The following AMN1 variants were observed in gnomAD, a reference collection of about 807,000 sequenced individuals.
AMN1 encodes protein AMN1 homolog.
In AMN1, 20 loss-of-function variants were observed where a neutral mutation model predicts 33.0. The ratio of observed to expected loss-of-function variants is 0.61; its 90% CI spans 0.43 to 0.88. The LOEUF is 0.88. Among genes scored for constraint, AMN1 ranks in the 40% least tolerant of loss-of-function variants. The probability of loss-of-function intolerance (pLI) is 0.00; values close to 1 mark genes in which losing one functional copy is unlikely to be tolerated. For missense variants in AMN1, 246 were observed against 307.4 expected, an observed-to-expected ratio of 0.80 and a Z score of 1.49; for synonymous variants, 114 against 111.9, an observed-to-expected ratio of 1.02 and a Z score of -0.12.
Position 31,697,826 on chromosome 12 carries a change from C to A in AMN1, c.448G>T (p.Gly150Cys). Reference sequence around the variant, plus strand: ...GACACATCAGTAATACTTAAGCAGCCACCTAAATCGATGATCTTTAGCAGC... The same window carrying A: ...GACACATCAGTAATACTTAAGCAGCAACCTAAATCGATGATCTTTAGCAGC... ...CQLLKIIDLG[G>C]CLSITDVSLH... Residue 150 changes from glycine to cysteine, a missense_variant, in exon 4 of 7, where the codon GGC becomes TGC. Physicochemically the swap from Gly to Cys is radical, Grantham distance 159. Coordinates refer to ENST00000281471, the MANE Select transcript of AMN1 (RefSeq NM_001113402.2). The A allele has an allele frequency of 3.1e-6, 5 of 1,614,000 alleles. No homozygotes were observed. The highest frequency in any genetic ancestry group is 3.4e-6 in the Non-Finnish European group (4 of 1,179,882).
At position 31,716,039 on chromosome 12, in the gene AMN1, C is replaced by G. The variant is rs530001946; in HGVS notation, c.39-6614G>C. Among the ~76,000 whole-genome samples, 85 of 152,266 alleles carry G rather than the reference C, an allele frequency of 5.6e-4. 1 individual carries two copies. The highest frequency in any genetic ancestry group is 1.1e-3 in the Non-Finnish European group (76 of 68,024). ...TATTCCTTTTATCATTAAGTAATGTCTCTCTTTATCCGTATTCATGTTTTT... is the reference window on the plus strand; with the variant it reads ...TATTCCTTTTATCATTAAGTAATGTGTCTCTTTATCCGTATTCATGTTTTT... On this transcript the variant is annotated intron_variant, in intron 1 of 6. Transcript: ENST00000281471.
intron 6 of AMN1, among the ~76,000 whole-genome samples, chr12:31,681,927 T>C (rs1213405124): frequency 6.6e-6 from 1 of 152,188 alleles, no homozygotes; most frequent in East Asian, 1.9e-4. Context: ...TCCACCCACC[T>C]TGGCCTCCCA....
chr12:31,711,955 G>A (rs1939484489), intron 1 of AMN1, among the ~76,000 whole-genome samples: 1 of 151,942 alleles, frequency 6.6e-6, no homozygotes, highest in South Asian at 2.1e-4. Context: ...GAGAACATGT[G>A]ACATTTGTCT....
At chr12:31,685,317 C>T (rs1465176820) in intron 6 of AMN1, among the ~76,000 whole-genome samples, 1 of 152,156 alleles carries the variant, frequency 6.6e-6, no homozygotes, top group African/African-American at 2.4e-5. Flanking sequence ...GCGTGAGCCA[C>T]TTCGCCTGGC....
intron 1 of AMN1, among the ~76,000 whole-genome samples, chr12:31,725,939 T>A (rs1404578620): frequency 6.6e-6 from 1 of 152,170 alleles, no homozygotes; most frequent in African/African-American, 2.4e-5. Context: ...CCTCAAGTGA[T>A]TCACCTGCCT....
intron 6 of AMN1, among the ~76,000 whole-genome samples, chr12:31,675,641 C>T (rs1397460313): frequency 6.6e-6 from 1 of 151,306 alleles, no homozygotes; most frequent in Non-Finnish European, 1.5e-5. Flanking sequence ...ATTACAGGCG[C>T]CCGCAACCAC....
intron 5 of AMN1, among the ~76,000 whole-genome samples, chr12:31,694,442 CAAA>C (rs71062451): frequency 3.4e-5 from 4 of 116,788 alleles, no homozygotes; most frequent in Non-Finnish European, 5.2e-5. Flanking sequence ...AACTCTGTCT[CAAA>C]AAAAAAAAAA....
chr12:31,672,448 G>A (rs1951298227), intron 6 of AMN1, 71 bp from the exon 7 acceptor site: 1 of 1,053,730 alleles, frequency 9.5e-7, no homozygotes. Context: ...ATGTCTAACT[G>A]GAGGTGATGT....
chr12:31,716,248 A>G (rs1369689697), intron 1 of AMN1, among the ~76,000 whole-genome samples: 2 of 152,164 alleles, frequency 1.3e-5, no homozygotes, highest in African/African-American at 2.4e-5. Flanking sequence ...TGTTTGACCA[A>G]TTTATTCTAC....
At chr12:31,724,032 T>C (rs777833220) in intron 1 of AMN1, among the ~76,000 whole-genome samples, 3 of 152,324 alleles carry the variant, frequency 2.0e-5, no homozygotes, top group East Asian at 1.9e-4. Flanking sequence ...ACTCCTGTTA[T>C]ATAGCAGATC....
intron 1 of AMN1, among the ~76,000 whole-genome samples, chr12:31,726,905 T>C (rs560069931): frequency 1.3e-5 from 2 of 152,362 alleles, no homozygotes; most frequent in African/African-American, 4.8e-5. Flanking sequence ...TGTTTCCTCT[T>C]TTTTTCACTA....
chr12:31,673,588 T>C lies in AMN1; in HGVS notation c.704-1211A>G, dbSNP rs114465109. ...CAACCATGACAAAGCTGGGTGGCTA[T>C]AGAAGAAGGGGGAAACACTTTCCAA... On this transcript the variant is annotated intron_variant, in intron 6 of 6. Transcript: ENST00000281471. 3.7e-3 allele frequency: 1,526 copies of C among 416,696 alleles called. 23 individuals carry two copies. The highest frequency in any genetic ancestry group is 0.028 in the African/African-American group (1,368 of 48,400). 25.8% of individuals were successfully genotyped at this position (416,696 alleles called of 1,614,324 possible). A position where few individuals can be genotyped will look rare whatever the true frequency, so the allele number is the denominator to read the frequency against.
intron 1 of AMN1, among the ~76,000 whole-genome samples, chr12:31,719,973 A>C (rs1939820770): frequency 6.6e-6 from 1 of 152,252 alleles, no homozygotes; most frequent in African/African-American, 2.4e-5. Flanking sequence ...TATATGTTAT[A>C]ATATATAGAT....
intron 1 of AMN1, among the ~76,000 whole-genome samples, chr12:31,727,480 T>C (rs1412752542): frequency 6.6e-6 from 1 of 152,230 alleles, no homozygotes; most frequent in East Asian, 1.9e-4. Context: ...GCTATTCATA[T>C]TGTATCTTCC....
chr12:31,672,523 C>T (rs1376457036), intron 6 of AMN1, 146 bp from the exon 7 acceptor site: 2 of 597,914 alleles, frequency 3.3e-6, no homozygotes, highest in Non-Finnish European at 6.0e-6. Flanking sequence ...ATACAACTAA[C>T]TCACTAATAA....
chr12:31,691,137 CAAAA>C (rs35531262), intron 5 of AMN1, among the ~76,000 whole-genome samples: 1 of 124,716 alleles, frequency 8.0e-6, no homozygotes. Context: ...GACTCCGTCT[CAAAA>C]AAAAAAAAAA....
At position 31,676,035 on chromosome 12, in the gene AMN1, AT is replaced by A. The variant is rs543934007; in HGVS notation, c.704-3659del. 1.6e-3 allele frequency among the ~76,000 whole-genome samples: 243 copies of A among 151,890 alleles called. 2 individuals are homozygous for A. The highest frequency in any genetic ancestry group is 2.8e-3 in the Non-Finnish European group (189 of 68,028). On this transcript the variant is annotated intron_variant, in intron 6 of 6. Transcript: ENST00000281471. ...AGAACAATATATAAAAATCAAATGT[AT>A]TTCTATACATCAACAATGAATAATC...
intron 1 of AMN1, among the ~76,000 whole-genome samples, chr12:31,718,926 A>G (rs1292334902): frequency 6.6e-6 from 1 of 152,216 alleles, no homozygotes; most frequent in African/African-American, 2.4e-5. Context: ...CCAAGCTCCC[A>G]CATCCCAGGT....
At chr12:31,698,840 G>T (rs536453671) in intron 3 of AMN1, among the ~76,000 whole-genome samples, 1 of 152,096 alleles carries the variant, frequency 6.6e-6, no homozygotes, top group South Asian at 2.1e-4. Context: ...CCCAGTCCCT[G>T]ACACAGAGCT....
Sources: allele counts gnomAD v4.1 joint callset (sites outside exome capture counted in the v4.1 genomes callset), GRCh38; gene constraint gnomAD v4.1.1; transcripts MANE v1.5; gene names NCBI Gene and HGNC (gene_info 2026-07-23, HGNC 2026-07-21).